Variants in DDX31 observed in about 807,000 individuals in gnomAD.
DDX31 encodes DEAD-box helicase 31.
A neutral mutation model predicts 91.3 loss-of-function variants in DDX31; 70 were observed. That is an observed-to-expected ratio of 0.77 (90% confidence interval 0.63 to 0.94). The LOEUF is 0.94. Ranked by LOEUF, DDX31 falls within the 40% of genes least tolerant of loss-of-function variation. The probability of loss-of-function intolerance (pLI) is 0.00; values close to 1 mark genes in which losing one functional copy is unlikely to be tolerated. For missense variants in DDX31, 902 were observed against 925.0 expected (o/e 0.98, Z 0.32); for synonymous variants, 362 against 350.6 (o/e 1.03, Z -0.36).
intron 1 of DDX31, among the ~76,000 whole-genome samples, chr9:132,666,343 A>C (rs1199718404): frequency 1.3e-5 from 2 of 151,932 alleles, no homozygotes; most frequent in Non-Finnish European, 1.5e-5. Flanking sequence ...TTAATTTTTG[A>C]TAAGTTAAAA....
At position 132,648,506 on chromosome 9, in the gene DDX31, C is replaced by T. The variant is rs1181075686; in HGVS notation, c.786G>A (p.Leu262=). 1 of 1,613,864 alleles carries T rather than the reference C, an allele frequency of 6.2e-7. No individual in the cohort carries two copies. Among genetic ancestry groups the T allele is most frequent in the Non-Finnish European group, 8.5e-7 (1 of 1,179,938 alleles). The stretch of plus-strand genomic sequence containing the variant: ...TCTTTGTGGATTTTATATGATCCAC[C>T]AGGCGTCCAGGAGTTGAGATAAGGA... ...INILISTPGR[L]VDHIKSTKNI... The change falls in exon 10 of 20, where the codon CTG becomes CTA. Residue 262 remains leucine, a synonymous_variant. Transcript: ENST00000372159.
intron 1 of DDX31, chr9:132,669,467 A>T: frequency 1.4e-6 from 1 of 733,344 alleles, no homozygotes; most frequent in South Asian, 1.8e-5. Context: ...AATGTGGGCA[A>T]GATAAAAAAA....
intron 14 of DDX31, chr9:132,637,725 G>T: frequency 1.4e-6 from 1 of 696,110 alleles, no homozygotes; most frequent in Non-Finnish European, 1.8e-6. Flanking sequence ...AGAGATCTTG[G>T]CTGGAGCCGC....
chr9:132,659,537 C>T (rs1834800806), intron 5 of DDX31, among the ~76,000 whole-genome samples, 173 bp downstream of exon 5: 1 of 152,158 alleles, frequency 6.6e-6, no homozygotes, highest in African/African-American at 2.4e-5. Flanking sequence ...CATCAACTGT[C>T]CCCTTCCTTT....
At chr9:132,638,577 C>T (rs1311192230) in intron 14 of DDX31, among the ~76,000 whole-genome samples, 1 of 152,212 alleles carries the variant, frequency 6.6e-6, no homozygotes, top group African/African-American at 2.4e-5. Context: ...CCTCGTCTTT[C>T]ACACACTGAT....
At chr9:132,646,309 A>G (rs1386908292) in intron 12 of DDX31, among the ~76,000 whole-genome samples, 2 of 152,184 alleles carry the variant, frequency 1.3e-5, no homozygotes, top group African/African-American at 4.8e-5. Flanking sequence ...GACAAAAATA[A>G]ACACACCTGG....
At chr9:132,605,869 C>T (rs922674463) in intron 19 of DDX31, among the ~76,000 whole-genome samples, 52 of 151,984 alleles carry the variant, frequency 3.4e-4, no homozygotes, top group African/African-American at 1.2e-3. Context: ...CACTGAAAGG[C>T]GCTAAGCCAG....
chr9:132,619,867 T>C (rs1055269789), intron 17 of DDX31, among the ~76,000 whole-genome samples: 2 of 151,350 alleles, frequency 1.3e-5, no homozygotes, highest in African/African-American at 4.9e-5. Flanking sequence ...AGCGCAACTG[T>C]CACCTTCCCT....
intron 19 of DDX31, among the ~76,000 whole-genome samples, chr9:132,604,291 T>C (rs566255683): frequency 2.6e-5 from 4 of 152,266 alleles, no homozygotes; most frequent in Middle Eastern, 3.4e-3. Context: ...CCTTCCACAG[T>C]AGTGCTCCGA....
At chr9:132,668,866 CCGCGG>C (rs1343915832) in intron 1 of DDX31, among the ~76,000 whole-genome samples, 12 of 152,336 alleles carry the variant, frequency 7.9e-5, no homozygotes, top group African/African-American at 2.9e-4. Context: ...CCGCGCCCGG[CCGCGG>C]CTTGGTTTTA....
At chr9:132,647,084 G>T (rs753896092) in intron 11 of DDX31, 26 bp from the exon 12 acceptor site, 3 of 1,608,610 alleles carry the variant, frequency 1.9e-6, no homozygotes, top group Non-Finnish European at 2.6e-6. Context: ...GAAGGGCAAA[G>T]CAGACAACAA....
chr9:132,619,992 C>A (rs1831912440), intron 17 of DDX31, among the ~76,000 whole-genome samples: 1 of 151,708 alleles, frequency 6.6e-6, no homozygotes, highest in Non-Finnish European at 1.5e-5. Context: ...AAACTTTTTC[C>A]TCTTTTTCTT....
chr9:132,635,006 T>C (rs1354427482), intron 14 of DDX31, among the ~76,000 whole-genome samples: 3 of 152,224 alleles, frequency 2.0e-5, no homozygotes, highest in Non-Finnish European at 2.9e-5. Flanking sequence ...TTTCGATGTC[T>C]GTCATTTTTT....
chr9:132,595,050 T>C lies in DDX31; in HGVS notation c.2057A>G (p.Tyr686Cys). The change falls in exon 20 of 20, where the codon TAC becomes TGC. Residue 686 changes from tyrosine to cysteine, a missense_variant. Tyr to Cys is a radical substitution (Grantham distance 194). Coordinates refer to ENST00000372159, the MANE Select transcript of DDX31 (RefSeq NM_022779.9). The surrounding 1 kb of genome is among the most constrained non-coding windows in gnomAD (Gnocchi z 4.6). ...HSLAEILRSE[Y>C]SSGMEADIAK... ...GATGTCGGCCTCCATGCCGCTTGAG[T>C]ATTCCGAACGTAGGATTTCAGCGAG... 1 of 1,614,176 alleles carries C rather than the reference T, an allele frequency of 6.2e-7. No individual in the cohort carries two copies. The highest frequency in any genetic ancestry group is 8.5e-7 in the Non-Finnish European group (1 of 1,180,026).
chr9:132,598,541 C>T (rs1830561337), intron 19 of DDX31, among the ~76,000 whole-genome samples: 1 of 152,194 alleles, frequency 6.6e-6, no homozygotes, highest in Non-Finnish European at 1.5e-5. Context: ...ACTTGCACCA[C>T]CAATAAGGTG....
At chr9:132,658,181 C>G in intron 6 of DDX31, 2 of 662,958 alleles carry the variant, frequency 3.0e-6, no homozygotes, top group South Asian at 3.4e-5. Context: ...CTACATAGCA[C>G]AGGAGCCAGG....
chr9:132,600,685 C>G (rs1362986418), intron 19 of DDX31, among the ~76,000 whole-genome samples: 2 of 152,216 alleles, frequency 1.3e-5, no homozygotes, highest in Admixed American at 1.3e-4. Flanking sequence ...AACTTTGAGA[C>G]TATTTAGCCC....
intron 18 of DDX31, among the ~76,000 whole-genome samples, chr9:132,613,974 TGCCAGCTGA>T (rs1030785855): frequency 1.3e-5 from 2 of 152,216 alleles, no homozygotes; most frequent in African/African-American, 4.8e-5. Flanking sequence ...CCTGCTCTTC[TGCCAGCTGA>T]GCCAGAGCCC....
chr9:132,627,313 C>T (rs1832457226), intron 16 of DDX31, among the ~76,000 whole-genome samples: 1 of 152,110 alleles, frequency 6.6e-6, no homozygotes, highest in Non-Finnish European at 1.5e-5. Context: ...ATGGCGACGT[C>T]GGGGAACCAC....
Sources: allele counts gnomAD v4.1 joint callset (sites outside exome capture counted in the v4.1 genomes callset), GRCh38; gene constraint gnomAD v4.1.1; non-coding constraint Gnocchi (gnomAD v3.1); transcripts MANE v1.5; gene names NCBI Gene and HGNC (gene_info 2026-07-23, HGNC 2026-07-21).